The following REDIC1 variants were observed in gnomAD, a reference collection of about 807,000 sequenced individuals.
REDIC1 encodes the protein HEI10 Interacting Protein 1.
At chr12:39,644,689 G>A in the REDIC1 span, among the ~76,000 whole-genome samples, 2 of 151,792 alleles carry the variant, frequency 1.3e-5, no homozygotes, top group African/African-American at 4.8e-5. Flanking sequence ...CATTGTTCAT[G>A]GATTTTGAGA....
At chr12:39,723,339 G>T in the REDIC1 span, among the ~76,000 whole-genome samples, 44 of 152,220 alleles carry the variant, frequency 2.9e-4, no homozygotes, top group Middle Eastern at 3.4e-3. Flanking sequence ...TGCTGTTGGT[G>T]TCAGAAGTAA....
the REDIC1 span, among the ~76,000 whole-genome samples, chr12:39,843,078 C>G: frequency 6.6e-6 from 1 of 151,854 alleles, no homozygotes; most frequent in Non-Finnish European, 1.5e-5. Flanking sequence ...TTGCTATGAA[C>G]ATTTGTGTAG....
At chr12:39,808,536 T>G in the REDIC1 span, among the ~76,000 whole-genome samples, 3 of 152,156 alleles carry the variant, frequency 2.0e-5, no homozygotes, top group South Asian at 2.1e-4. Context: ...ATTTCTGAAG[T>G]GTTTGTACCA....
chr12:39,760,299 G>A, the REDIC1 span: 3 of 1,507,750 alleles, frequency 2.0e-6, no homozygotes, highest in South Asian at 2.4e-5. Context: ...TATAGAGAGA[G>A]GCTTAAGTTG....
At chr12:39,694,214 A>G in the REDIC1 span, among the ~76,000 whole-genome samples, 1 of 152,180 alleles carries the variant, frequency 6.6e-6, no homozygotes, top group Non-Finnish European at 1.5e-5. Flanking sequence ...GGCTGAATAG[A>G]AGACACCCAC....
chr12:39,835,082 G>T, the REDIC1 span, among the ~76,000 whole-genome samples: 935 of 152,048 alleles, frequency 6.1e-3, 11 homozygotes, highest in African/African-American at 0.021. Context: ...AAATACATTG[G>T]CACAAAGTCA....
chr12:39,723,573 A>G, the REDIC1 span, among the ~76,000 whole-genome samples: 1 of 152,152 alleles, frequency 6.6e-6, no homozygotes, highest in African/African-American at 2.4e-5. Context: ...TTTTCATTCC[A>G]TGTTTGTAAT....
the REDIC1 span, among the ~76,000 whole-genome samples, chr12:39,671,508 C>T: frequency 1.7e-4 from 26 of 152,136 alleles, no homozygotes; most frequent in Admixed American, 9.2e-4. Flanking sequence ...TCTTGATCCT[C>T]CTGGCAGCTT....
At chr12:39,643,113 G>A in the REDIC1 span, among the ~76,000 whole-genome samples, 2 of 151,576 alleles carry the variant, frequency 1.3e-5, no homozygotes, top group Non-Finnish European at 3.0e-5. Context: ...CATAATAGTT[G>A]CTTGATAAAT....
At chr12:39,816,375 A>G in the REDIC1 span, among the ~76,000 whole-genome samples, 1 of 145,724 alleles carries the variant, frequency 6.9e-6, no homozygotes, top group Non-Finnish European at 1.5e-5. Flanking sequence ...GTGGGAATTG[A>G]ACAATGAGAA....
At chr12:39,646,941 C>A in the REDIC1 span, 3 of 1,185,720 alleles carry the variant, frequency 2.5e-6, no homozygotes, top group African/African-American at 1.6e-5. Flanking sequence ...TGATATGCTA[C>A]CTAATGATCT....
the REDIC1 span, among the ~76,000 whole-genome samples, chr12:39,711,675 G>GTA: frequency 5.2e-5 from 7 of 133,848 alleles, no homozygotes; most frequent in South Asian, 2.3e-4. Context: ...ACACATGTAT[G>GTA]TGTGTATGCA....
the REDIC1 span, among the ~76,000 whole-genome samples, chr12:39,747,774 A>C: frequency 6.6e-6 from 1 of 152,332 alleles, no homozygotes; most frequent in South Asian, 2.1e-4. Flanking sequence ...GCCAATATTC[A>C]ACATTCTTAA....
the REDIC1 span, among the ~76,000 whole-genome samples, chr12:39,837,821 C>A: frequency 6.6e-6 from 1 of 151,994 alleles, no homozygotes; most frequent in Non-Finnish European, 1.5e-5. Context: ...GAATGGCAAT[C>A]ATTAAAAAGT....
At chr12:39,685,034 A>C in the REDIC1 span, 3 of 692,436 alleles carry the variant, frequency 4.3e-6, no homozygotes, top group East Asian at 8.7e-5. Context: ...TTTATTCATT[A>C]ATTTTTATTG....
the REDIC1 span, among the ~76,000 whole-genome samples, chr12:39,691,867 A>C: frequency 1.3e-5 from 2 of 152,072 alleles, no homozygotes; most frequent in Admixed American, 6.6e-5. Context: ...TAACGAATTT[A>C]AATTTCATTT....
chr12:39,832,396 C>G, the REDIC1 span, among the ~76,000 whole-genome samples: 1 of 152,044 alleles, frequency 6.6e-6, no homozygotes, highest in African/African-American at 2.4e-5. Flanking sequence ...TTTTATTTCT[C>G]CGAAAATATG....
At chr12:39,709,067 T>A in the REDIC1 span, among the ~76,000 whole-genome samples, 1 of 151,826 alleles carries the variant, frequency 6.6e-6, no homozygotes, top group Non-Finnish European at 1.5e-5. Flanking sequence ...TTAAGCACTT[T>A]CCCGAAGTTT....
chr12:39,643,808 A>G, the REDIC1 span: 1 of 1,551,076 alleles, frequency 6.4e-7, no homozygotes, highest in South Asian at 1.1e-5. Context: ...GGTTAAAATC[A>G]AAAATGAAAT....
Sources: gnomAD v4.1 joint callset for allele counts (sites outside exome capture counted in the v4.1 genomes callset) on GRCh38, gnomAD v4.1.1 for gene constraint, MANE v1.5 for transcripts, NCBI Gene and HGNC (gene_info 2026-07-23, HGNC 2026-07-21) for gene names.